Variants in CFAP54 observed in about 807,000 individuals in gnomAD.
CFAP54 encodes the protein cilia and flagella associated protein 54, also known as cilia- and flagella-associated protein 54.
A neutral mutation model predicts 370.4 loss-of-function variants in CFAP54; 290 were observed. The observed-to-expected ratio is 0.78, with a 90% CI of 0.71 to 0.86. CFAP54 has a LOEUF of 0.86. Among genes scored for constraint, CFAP54 ranks in the 40% least tolerant of loss-of-function variants. The pLI is 0.00. For synonymous variants in CFAP54, 1,206 were observed against 1,236.5 expected, an observed-to-expected ratio of 0.98 and a Z score of 0.52; for missense variants, 3,399 against 3,528.7, an observed-to-expected ratio of 0.96 and a Z score of 0.93.
chr12:96,623,082 A>C (rs1169089071), intron 27 of CFAP54, among the ~76,000 whole-genome samples: 2 of 152,146 alleles, frequency 1.3e-5, no homozygotes, highest in East Asian at 1.9e-4. Context: ...CTTTCAGTCC[A>C]GCAGAAGGTT....
intron 33 of CFAP54, chr12:96,646,923 AGGG>A (rs1827751782): frequency 6.6e-6 from 1 of 152,146 alleles, no homozygotes; most frequent in African/African-American, 2.4e-5. Flanking sequence ...GGACACAGGA[AGGG>A]GAACATCACA....
chr12:96,566,294 T>C (rs1226370790), intron 19 of CFAP54, among the ~76,000 whole-genome samples: 1 of 151,980 alleles, frequency 6.6e-6, no homozygotes, highest in Non-Finnish European at 1.5e-5. Flanking sequence ...AAAGATAATG[T>C]GGAGAGTGGG....
chr12:96,581,669 AATT>A (rs567497332), intron 22 of CFAP54, among the ~76,000 whole-genome samples: 22 of 104,932 alleles, frequency 2.1e-4, no homozygotes, highest in Non-Finnish European at 4.4e-4. Flanking sequence ...TTATCTATCT[AATT>A]AATATATATA....
chr12:96,638,815 A>C (rs528589793), intron 32 of CFAP54, among the ~76,000 whole-genome samples: 22 of 152,204 alleles, frequency 1.4e-4, no homozygotes, highest in Non-Finnish European at 2.4e-4. Flanking sequence ...CCATCAATAC[A>C]GTGCTAAAAC....
chr12:96,541,166 GCT>G (rs1276166243), intron 14 of CFAP54, among the ~76,000 whole-genome samples, 179 bp downstream of exon 14: 1 of 152,032 alleles, frequency 6.6e-6, no homozygotes, highest in Non-Finnish European at 1.5e-5. Context: ...AAGGTTTCAT[GCT>G]CTCTGATTCA....
At chr12:96,815,119 G>C (rs1239592384) in intron 64 of CFAP54, among the ~76,000 whole-genome samples, 1 of 152,104 alleles carries the variant, frequency 6.6e-6, no homozygotes, top group Non-Finnish European at 1.5e-5. Flanking sequence ...ACATCCTTGA[G>C]GAATTGCCAC....
At chr12:96,750,899 A>G (rs1425086161) in intron 55 of CFAP54, among the ~76,000 whole-genome samples, 2 of 152,208 alleles carry the variant, frequency 1.3e-5, no homozygotes, top group Non-Finnish European at 2.9e-5. Context: ...CACAGAGTTG[A>G]TATTTACTGG....
At chr12:96,771,653 AAAACAAAAAACAAAC>A (rs1441600557) in intron 60 of CFAP54, among the ~76,000 whole-genome samples, 10 of 152,292 alleles carry the variant, frequency 6.6e-5, no homozygotes, top group African/African-American at 2.2e-4. Context: ...CTCCGCCTCA[AAAACAAAAAACAAAC>A]AAACAAAAAA....
chr12:96,556,492 T>G (rs1357759133), intron 17 of CFAP54, among the ~76,000 whole-genome samples: 1 of 152,152 alleles, frequency 6.6e-6, no homozygotes, highest in Non-Finnish European at 1.5e-5. Context: ...TGTAACAAAT[T>G]ACTACAAACT....
At chr12:96,490,631 G>T (rs922014173) in intron 1 of CFAP54, among the ~76,000 whole-genome samples, 2 of 152,100 alleles carry the variant, frequency 1.3e-5, no homozygotes, top group Non-Finnish European at 2.9e-5. Context: ...GGCAGAGGTT[G>T]CAGTGAGCTG....
Position 96,565,494 on chromosome 12 carries a change from G to A in CFAP54, c.2619+729G>A, listed in dbSNP as rs974760531. Among the ~76,000 whole-genome samples the A allele has an allele frequency of 4.6e-5, 7 of 152,232 alleles. No individual in the cohort carries two copies. The East Asian group carries it at 1.4e-3, about 29-fold the overall frequency. On this transcript the variant is annotated intron_variant, in intron 19 of 67. Coordinates refer to ENST00000524981, the MANE Select transcript of CFAP54 (RefSeq NM_001306084.2). ...ATGTACAGAATAATGCTATGTCTTG[G>A]CTGATAAGAGAAGGAAAAAAGTAGG...
In CFAP54 at chr12:96,614,266, A is replaced by G. The variant is rs187381413; in HGVS notation, c.3640-7324A>G. ...AAATAGAACCAAAGACAAAAATCAC[A>G]TGATTATCTCAATAGATGCAGAAAA... On this transcript the variant is annotated intron_variant, in intron 26 of 67. Coordinates refer to ENST00000524981, the MANE Select transcript of CFAP54 (RefSeq NM_001306084.2). Among the ~76,000 whole-genome samples the G allele has an allele frequency of 2.0e-3, 305 of 152,372 alleles. 1 individual carries two copies. Among genetic ancestry groups the G allele is most frequent in the African/African-American group, 7.0e-3 (290 of 41,596 alleles).
intron 39 of CFAP54, among the ~76,000 whole-genome samples, chr12:96,673,971 T>C (rs1957175413): frequency 6.6e-6 from 1 of 152,238 alleles, no homozygotes; most frequent in Non-Finnish European, 1.5e-5. Flanking sequence ...ATAGATATTC[T>C]TGTATGGGTG....
Position 96,720,453 on chromosome 12 carries a change from G to A in CFAP54, c.6853G>A (p.Glu2285Lys), listed in dbSNP as rs10860073. ...GGACAGGCTAAACTTCCTTCTGTCC[G>A]AGGTGGAACAGAAGACCCTGTCTCA... ...AEDRLNFLLS[E>K]VEQKTLSQCS... The change falls in exon 50 of 68, where the codon GAG becomes AAG. Residue 2285 changes from glutamate (E) to lysine (K), a missense_variant. Transcript: ENST00000524981. 0.064 allele frequency: 103,026 copies of A among 1,597,896 alleles called. 8,235 individuals carry two copies. The highest frequency in any genetic ancestry group is 0.49 in the East Asian group (21,245 of 43,432).
At chr12:96,646,139 G>T (rs1464746982) in intron 33 of CFAP54, 2 of 152,092 alleles carry the variant, frequency 1.3e-5, no homozygotes, top group African/African-American at 4.8e-5. Flanking sequence ...ACAGCAAAAA[G>T]AAACTACCAT....
intron 1 of CFAP54, among the ~76,000 whole-genome samples, chr12:96,496,972 A>G (rs1387406348): frequency 1.3e-5 from 2 of 152,234 alleles, no homozygotes; most frequent in Non-Finnish European, 2.9e-5. Context: ...TTGACTGGCC[A>G]TTTGAGCCCT....
At chr12:96,604,569 A>C (rs1956281422) in intron 26 of CFAP54, among the ~76,000 whole-genome samples, 1 of 152,214 alleles carries the variant, frequency 6.6e-6, no homozygotes, top group Non-Finnish European at 1.5e-5. Flanking sequence ...CTAGAGGTGG[A>C]ATCTAGAGAG....
chr12:96,690,152 C>T (rs1203638576), intron 43 of CFAP54, among the ~76,000 whole-genome samples: 2 of 152,118 alleles, frequency 1.3e-5, no homozygotes, highest in Non-Finnish European at 2.9e-5. Context: ...TTAATGTGGA[C>T]AATATGTGTA....
chr12:96,853,522 A>T (rs752604357), intron 66 of CFAP54, among the ~76,000 whole-genome samples: 2 of 152,168 alleles, frequency 1.3e-5, no homozygotes, highest in Non-Finnish European at 2.9e-5. Flanking sequence ...TTCTGTCTAC[A>T]TGTTATAATT....
Sources: allele counts gnomAD v4.1 joint callset (sites outside exome capture counted in the v4.1 genomes callset), GRCh38; gene constraint gnomAD v4.1.1; transcripts MANE v1.5; gene names NCBI Gene and HGNC (gene_info 2026-07-23, HGNC 2026-07-21).